CCSER1: variants seen among roughly 807,000 people sequenced by gnomAD.
The protein encoded by CCSER1 is coiled-coil serine rich protein 1, also known as serine-rich coiled-coil domain-containing protein 1.
In CCSER1, 41 loss-of-function variants were observed where a neutral mutation model predicts 82.0. The ratio of observed to expected loss-of-function variants is 0.50; its 90% CI spans 0.39 to 0.65. The LOEUF is 0.65. Among genes scored for constraint, CCSER1 ranks in the 30% least tolerant of loss-of-function variants. CCSER1 has a pLI of 0.00. For synonymous variants in CCSER1, 414 were observed against 383.9 expected (o/e 1.08, Z -0.92); for missense variants, 1,119 against 1,064.2 (o/e 1.05, Z -0.72).
chr4:90,214,177 G>A (rs1246124055), intron 1 of CCSER1, among the ~76,000 whole-genome samples: 1 of 152,144 alleles, frequency 6.6e-6, no homozygotes, highest in Non-Finnish European at 1.5e-5. Context: ...GCTGGCCTTG[G>A]ATAGACACAG....
rs537592420 is a variant in CCSER1, at chr4:90,177,165, G to C, written c.-42+49334G>C. On this transcript the variant is annotated intron_variant, in intron 1 of 10. Transcript: ENST00000509176. ...TGAACATTATCTCTGAATATGAAAG[G>C]CATGATGTGCGCAACTATCAAAGTG... is the stretch of plus-strand genomic sequence containing the variant. Among the ~76,000 whole-genome samples the C allele has an allele frequency of 5.8e-3, 882 of 152,154 alleles. 2 individuals are homozygous for C. Among genetic ancestry groups the C allele is most frequent in the Non-Finnish European group, 9.3e-3 (634 of 67,990 alleles).
At chr4:91,397,542 A>G (rs1578358253) in intron 10 of CCSER1, among the ~76,000 whole-genome samples, 1 of 152,036 alleles carries the variant, frequency 6.6e-6, no homozygotes, top group South Asian at 2.1e-4. Context: ...TTATATACTT[A>G]TTTGTCTAGT....
intron 10 of CCSER1, among the ~76,000 whole-genome samples, chr4:91,304,556 T>C (rs1744903101): frequency 6.6e-6 from 1 of 152,076 alleles, no homozygotes; most frequent in Non-Finnish European, 1.5e-5. Context: ...CAGGACTTAG[T>C]AATCTACTTT....
intron 10 of CCSER1, among the ~76,000 whole-genome samples, chr4:91,320,489 T>A (rs1746122546): frequency 6.6e-6 from 1 of 152,056 alleles, no homozygotes; most frequent in South Asian, 2.1e-4. Flanking sequence ...TGTGTAGCTA[T>A]TTATAGGAAA....
At chr4:90,830,432 T>G (rs1031846266) in intron 8 of CCSER1, among the ~76,000 whole-genome samples, 2 of 152,204 alleles carry the variant, frequency 1.3e-5, no homozygotes, top group African/African-American at 4.8e-5. Context: ...GTAAGGTTCC[T>G]TCACTCAAAT....
intron 10 of CCSER1, among the ~76,000 whole-genome samples, chr4:91,429,060 T>A (rs1003614919): frequency 1.3e-5 from 2 of 152,052 alleles, no homozygotes; most frequent in African/African-American, 4.8e-5. Flanking sequence ...AGCATTGATT[T>A]ATCTTGTATC....
intron 10 of CCSER1, among the ~76,000 whole-genome samples, chr4:91,424,001 CTTTTTTTT>C (rs1167472932): frequency 3.9e-5 from 3 of 77,454 alleles, no homozygotes; most frequent in African/African-American, 1.1e-4. Context: ...CTCAGCAGAT[CTTTTTTTT>C]TTTTTTTTTT....
At chr4:90,228,739 T>C (rs1029665059) in intron 1 of CCSER1, among the ~76,000 whole-genome samples, 3 of 152,142 alleles carry the variant, frequency 2.0e-5, no homozygotes, top group African/African-American at 7.2e-5. Flanking sequence ...TTTAGAAGAA[T>C]GTATAACTAG....
chr4:91,247,691 A>C (rs577075483), intron 10 of CCSER1, among the ~76,000 whole-genome samples: 2 of 152,082 alleles, frequency 1.3e-5, no homozygotes, highest in Non-Finnish European at 2.9e-5. Flanking sequence ...AACATGGCGA[A>C]ACCCTGTCTC....
In CCSER1 at chr4:90,723,812, ATTAT is replaced by A. The variant is rs144266702; in HGVS notation, c.1933-99_1933-96del. ...GATTTTTTACATTCATATTTTACTT[ATTAT>A]TTGTTTATTTTAATGATTTATTTAT... On this transcript the variant is annotated intron_variant, in intron 6 of 10. Coordinates refer to ENST00000509176, the MANE Select transcript of CCSER1 (RefSeq NM_001145065.2). 1.5e-3 allele frequency: 730 copies of A among 477,914 alleles called. 1 individual carries two copies. Among genetic ancestry groups the A allele is most frequent in the South Asian group, 2.5e-3 (45 of 18,164 alleles). 29.6% of individuals were successfully genotyped at this position (477,914 alleles called of 1,614,324 possible).
chr4:90,459,043 T>G (rs994470262), intron 4 of CCSER1, among the ~76,000 whole-genome samples: 4 of 152,180 alleles, frequency 2.6e-5, no homozygotes, highest in Admixed American at 1.3e-4. Context: ...ATATATTATA[T>G]ATGTTATATA....
chr4:90,183,077 T>G (rs1243680185), intron 1 of CCSER1, among the ~76,000 whole-genome samples: 1 of 152,156 alleles, frequency 6.6e-6, no homozygotes, highest in Non-Finnish European at 1.5e-5. Context: ...ATGATTTTTC[T>G]GTAATTATTC....
chr4:90,639,193 A>G (rs1560861401), intron 6 of CCSER1, among the ~76,000 whole-genome samples: 1 of 151,494 alleles, frequency 6.6e-6, no homozygotes, highest in African/African-American at 2.4e-5. Context: ...TATTCTTTAT[A>G]TATATATACA....
chr4:90,815,148 G>T (rs1427162358), intron 7 of CCSER1, among the ~76,000 whole-genome samples: 1 of 149,916 alleles, frequency 6.7e-6, no homozygotes, highest in Non-Finnish European at 1.5e-5. Context: ...AGTAAGGGAT[G>T]TCCTCCCAAA....
At chr4:90,831,537 A>G (rs1405253430) in intron 8 of CCSER1, among the ~76,000 whole-genome samples, 1 of 152,190 alleles carries the variant, frequency 6.6e-6, no homozygotes, top group Non-Finnish European at 1.5e-5. Flanking sequence ...GATTGGCTAC[A>G]TAACTTGAGT....
At chr4:91,438,897 T>C (rs887229102) in intron 10 of CCSER1, among the ~76,000 whole-genome samples, 23 of 151,820 alleles carry the variant, frequency 1.5e-4, no homozygotes, top group African/African-American at 5.1e-4. Context: ...GAAGATGAAA[T>C]GAACGAAATG....
intron 9 of CCSER1, among the ~76,000 whole-genome samples, chr4:90,924,799 T>C (rs1728845761): frequency 6.6e-6 from 1 of 152,144 alleles, no homozygotes; most frequent in Non-Finnish European, 1.5e-5. Context: ...CGATCTCGGC[T>C]CACTGCAACC....
chr4:91,297,385 A>ATGTGTGTGTGTGTG (rs57164334), intron 10 of CCSER1, among the ~76,000 whole-genome samples: 65 of 118,058 alleles, frequency 5.5e-4, no homozygotes, highest in African/African-American at 8.1e-4. Flanking sequence ...GTGTGTGTGT[A>ATGTGTGTGTGTGTG]TGTGTGTGTG....
chr4:91,411,533 T>TTA (rs1441849002), intron 10 of CCSER1, among the ~76,000 whole-genome samples: 1 of 129,474 alleles, frequency 7.7e-6, no homozygotes, highest in Non-Finnish European at 1.6e-5. Context: ...TATAAAATCT[T>TTA]GACTAGTTAA....
Sources: gnomAD v4.1 joint callset for allele counts (sites outside exome capture counted in the v4.1 genomes callset) on GRCh38, gnomAD v4.1.1 for gene constraint, MANE v1.5 for transcripts, NCBI Gene and HGNC (gene_info 2026-07-23, HGNC 2026-07-21) for gene names.